The following CSMD1 variants were observed in gnomAD, a reference collection of about 807,000 sequenced individuals.
CSMD1 encodes the protein CUB and sushi domain-containing protein 1.
CSMD1 carries 213 observed loss-of-function variants against 417.5 expected under a neutral mutation model. That is an observed-to-expected ratio of 0.51 (90% CI 0.46 to 0.57). The LOEUF is 0.57. Among genes scored for constraint, CSMD1 ranks in the 20% least tolerant of loss-of-function variants. The probability of loss-of-function intolerance (pLI) is 0.00; values close to 1 mark genes in which losing one functional copy is unlikely to be tolerated. For missense variants in CSMD1, 6,923 were observed against 4,529.7 expected (o/e 1.53, Z -15.17); for synonymous variants, 2,862 against 1,736.8 (o/e 1.65, Z -16.11).
At position 4,484,722 on chromosome 8, in the gene CSMD1, CACT is replaced by C. The variant is rs1420566423; in HGVS notation, c.303-64660_303-64658del. Among the ~76,000 whole-genome samples, 4 of 152,012 alleles carry C rather than the reference CACT, an allele frequency of 2.6e-5. No homozygotes were observed. The East Asian group carries it at 7.7e-4, about 29-fold the overall frequency. ...CGATGGCTCACGCCTGTAATCTCAGCACTTTGGGAGGCAGAGACGGGCGGATCA... is the reference window on the plus strand; with the variant it reads ...CGATGGCTCACGCCTGTAATCTCAGCTTGGGAGGCAGAGACGGGCGGATCA... On this transcript the variant is annotated intron_variant, in intron 2 of 69. Coordinates refer to ENST00000635120, the MANE Select transcript of CSMD1 (RefSeq NM_033225.6).
At chr8:4,584,529 A>T (rs1415373205) in intron 2 of CSMD1, among the ~76,000 whole-genome samples, 2 of 152,126 alleles carry the variant, frequency 1.3e-5, no homozygotes, top group Admixed American at 1.3e-4. Context: ...AACTCTTCGG[A>T]GTTGGGACCG....
intron 24 of CSMD1, 105 bp from the exon 25 acceptor site, chr8:3,307,926 G>T: frequency 8.1e-7 from 1 of 1,241,828 alleles, no homozygotes; most frequent in Non-Finnish European, 1.1e-6. Flanking sequence ...TATATACATA[G>T]AGAAAAAGAA....
chr8:3,291,920 G>A (rs1194321757), intron 25 of CSMD1, among the ~76,000 whole-genome samples: 1 of 151,860 alleles, frequency 6.6e-6, no homozygotes, highest in Non-Finnish European at 1.5e-5. Flanking sequence ...TGTGATGTTA[G>A]GGTGTCAATT....
intron 7 of CSMD1, among the ~76,000 whole-genome samples, chr8:3,658,077 C>T (rs752718934): frequency 6.6e-6 from 1 of 152,164 alleles, no homozygotes; most frequent in African/African-American, 2.4e-5. Flanking sequence ...AGGCATTCAG[C>T]ACTGATTATC....
chr8:3,793,710 A>T (rs758260178), intron 5 of CSMD1, among the ~76,000 whole-genome samples: 12 of 152,200 alleles, frequency 7.9e-5, no homozygotes, highest in Non-Finnish European at 1.6e-4. Context: ...TAATATGTTT[A>T]TTTGTGGTCT....
chr8:3,183,784 C>G (rs932624171), intron 36 of CSMD1, among the ~76,000 whole-genome samples: 1 of 152,232 alleles, frequency 6.6e-6, no homozygotes, highest in Non-Finnish European at 1.5e-5. Context: ...GCCCTCCAAT[C>G]AGTCATCACG....
At chr8:4,480,252 T>C (rs1178133284) in intron 2 of CSMD1, among the ~76,000 whole-genome samples, 1 of 151,562 alleles carries the variant, frequency 6.6e-6, no homozygotes, top group Non-Finnish European at 1.5e-5. Flanking sequence ...GCAGGACTTC[T>C]CATGTCTAGG....
At chr8:4,279,915 T>G (rs1796687476) in intron 3 of CSMD1, among the ~76,000 whole-genome samples, 1 of 152,162 alleles carries the variant, frequency 6.6e-6, no homozygotes, top group African/African-American at 2.4e-5. Context: ...TATACATTTT[T>G]TATTAAGCAA....
chr8:3,244,474 T>C (rs1799751248), intron 26 of CSMD1, among the ~76,000 whole-genome samples: 1 of 152,152 alleles, frequency 6.6e-6, no homozygotes, highest in Non-Finnish European at 1.5e-5. Context: ...TAAGCAGTCT[T>C]TCCAGGAAGA....
chr8:4,018,771 C>G (rs1489901070), intron 4 of CSMD1, among the ~76,000 whole-genome samples: 1 of 152,164 alleles, frequency 6.6e-6, no homozygotes, highest in Non-Finnish European at 1.5e-5. Flanking sequence ...GGCACAGACT[C>G]TGTAGCCAAA....
chr8:4,039,716 G>T (rs926220835), intron 3 of CSMD1, among the ~76,000 whole-genome samples: 1 of 152,108 alleles, frequency 6.6e-6, no homozygotes, highest in African/African-American at 2.4e-5. Context: ...GGTGGAAAAG[G>T]GCAAGATTTG....
intron 18 of CSMD1, among the ~76,000 whole-genome samples, chr8:3,381,281 G>C (rs889806194): frequency 2.0e-5 from 3 of 151,224 alleles, no homozygotes; most frequent in East Asian, 3.9e-4. Flanking sequence ...AAAAAAAAAA[G>C]AGAGCAGCTT....
intron 3 of CSMD1, among the ~76,000 whole-genome samples, chr8:4,240,772 A>G (rs1284894728): frequency 6.6e-6 from 1 of 152,100 alleles, no homozygotes; most frequent in South Asian, 2.1e-4. Flanking sequence ...ATTTTTTCTT[A>G]TAATAAAAGT....
intron 3 of CSMD1, among the ~76,000 whole-genome samples, chr8:4,144,895 G>C (rs1186923977): frequency 6.6e-6 from 1 of 150,982 alleles, no homozygotes; most frequent in Non-Finnish European, 1.5e-5. Flanking sequence ...CTAAAAAATA[G>C]GCTTTCAGAC....
chr8:4,687,404 C>G (rs1563143117), intron 1 of CSMD1, among the ~76,000 whole-genome samples: 2 of 152,146 alleles, frequency 1.3e-5, no homozygotes, highest in Non-Finnish European at 2.9e-5. Context: ...AAAATACGTA[C>G]TAGAGTGGAA....
intron 1 of CSMD1, among the ~76,000 whole-genome samples, chr8:4,638,049 G>C (rs933667188): frequency 4.6e-5 from 7 of 152,166 alleles, no homozygotes; most frequent in Admixed American, 2.6e-4. Context: ...CTGAAAGATA[G>C]AGGACAACAA....
chr8:4,155,586 G>A (rs74713026), intron 3 of CSMD1, among the ~76,000 whole-genome samples: 4 of 152,106 alleles, frequency 2.6e-5, no homozygotes, highest in Admixed American at 6.5e-5. Flanking sequence ...TAAATTGTGA[G>A]TCATTTTTTC....
intron 9 of CSMD1, among the ~76,000 whole-genome samples, chr8:3,575,560 C>A (rs1477464312): frequency 6.6e-6 from 1 of 152,124 alleles, no homozygotes; most frequent in Admixed American, 6.5e-5. Context: ...GTCTTTTCAA[C>A]TTTAAAAAAG....
intron 2 of CSMD1, among the ~76,000 whole-genome samples, chr8:4,599,963 C>G (rs1415818489): frequency 6.6e-6 from 1 of 152,146 alleles, no homozygotes; most frequent in Non-Finnish European, 1.5e-5. Flanking sequence ...ATGCTCTGTC[C>G]ATCCACCTCC....
Sources: allele counts gnomAD v4.1 joint callset (sites outside exome capture counted in the v4.1 genomes callset), GRCh38; gene constraint gnomAD v4.1.1; transcripts MANE v1.5; gene names NCBI Gene and HGNC (gene_info 2026-07-23, HGNC 2026-07-21).